KAT14: variants seen among roughly 807,000 people sequenced by gnomAD.
KAT14 encodes cysteine-rich protein 2-binding protein.
A neutral mutation model predicts 78.4 loss-of-function variants in KAT14; 66 were observed. That is an observed-to-expected ratio of 0.84 (90% CI 0.69 to 1.03). The LOEUF is 1.03. Among genes scored for constraint, KAT14 ranks in the 50% least tolerant of loss-of-function variants. KAT14 has a pLI of 0.00. For missense variants in KAT14, 870 were observed against 972.5 expected (o/e 0.89, Z 1.40); for synonymous variants, 344 against 359.4 (o/e 0.96, Z 0.48).
chr20:18,175,869 A>C (rs1002810936), intron 7 of KAT14, among the ~76,000 whole-genome samples: 3 of 151,880 alleles, frequency 2.0e-5, no homozygotes, highest in Non-Finnish European at 4.4e-5. Flanking sequence ...AAAAAATACA[A>C]AAATTAGCCA....
intron 9 of KAT14, among the ~76,000 whole-genome samples, chr20:18,183,820 T>C (rs999207511): frequency 3.3e-5 from 5 of 152,210 alleles, no homozygotes; most frequent in African/African-American, 1.2e-4. Flanking sequence ...CCAAAGTCAT[T>C]AATTAAAGGA....
At chr20:18,137,831 C>G, upstream of KAT14, 1 of 1,024,240 alleles carries the variant, frequency 9.8e-7, no homozygotes, top group South Asian at 2.3e-5. Context: ...GAGCGGCGCA[C>G]GCGACGGCTG....
chr20:18,153,666 C>A (rs1353369926), intron 4 of KAT14, among the ~76,000 whole-genome samples: 1 of 152,068 alleles, frequency 6.6e-6, no homozygotes. Flanking sequence ...TTTTAACATG[C>A]CAATGAAAGG....
Position 18,161,846 on chromosome 20 carries a change from A to G in KAT14, c.706A>G (p.Ile236Val), listed in dbSNP as rs2038435263. The part of the protein sequence containing the change: ...IKASKPTLDP[I>V]ITVEGLRKRA... ...AGCCTCAAAACCAACTTTAGATCCC[A>G]TCATTACTGTTGAGGGACTTAGAAA... Residue 236 changes from isoleucine to valine, a missense_variant, in exon 6 of 11, where the codon ATC (isoleucine) becomes GTC (valine). Ile to Val is a conservative substitution (Grantham distance 29). Coordinates refer to ENST00000688188, the MANE Select transcript of KAT14 (RefSeq NM_001392073.1). 6.2e-7 allele frequency: 1 copy of G among 1,613,830 alleles called. No individual in the cohort carries two copies. The highest frequency in any genetic ancestry group is 8.5e-7 in the Non-Finnish European group (1 of 1,179,984).
chr20:18,163,647 G>C (rs989101414), intron 7 of KAT14, among the ~76,000 whole-genome samples: 4 of 152,212 alleles, frequency 2.6e-5, no homozygotes, highest in Admixed American at 2.6e-4. Flanking sequence ...TGAATTGCCT[G>C]TTTGGAGTCT....
intron 7 of KAT14, among the ~76,000 whole-genome samples, chr20:18,167,537 G>C (rs1273888469): frequency 6.6e-6 from 1 of 152,136 alleles, no homozygotes; most frequent in Non-Finnish European, 1.5e-5. Flanking sequence ...TGTATTCGTA[G>C]CTATAAGTTT....
chr20:18,159,166 G>A lies in KAT14; in HGVS notation c.583G>A (p.Glu195Lys). Residue 195 changes from glutamate to lysine, a missense_variant, in exon 5 of 11, where the codon GAA becomes AAA. Physicochemically the swap from Glu to Lys is moderately conservative, Grantham distance 56 (BLOSUM62 1). Transcript: ENST00000688188. The stretch of plus-strand genomic sequence containing the variant: ...CATGTACTTCCGTTCAGGTGCTCAG[G>A]AATTTGGAGAGCCAGGATGGTGGAA... ...SPMYFRSGAQ[E>K]FGEPGWWKLV... 6.2e-7 allele frequency: 1 copy of A among 1,614,140 alleles called. No homozygotes were observed. The highest frequency in any genetic ancestry group is 8.5e-7 in the Non-Finnish European group (1 of 1,179,994).
Position 18,139,047 on chromosome 20 carries a change from C to A in KAT14, c.-454+996C>A, listed in dbSNP as rs117284089. Among the ~76,000 whole-genome samples, 600 of 152,256 alleles carry A rather than the reference C, an allele frequency of 3.9e-3. 11 individuals are homozygous for A. The highest frequency in any genetic ancestry group is 0.033 in the Admixed American group (505 of 15,284). On this transcript the variant is annotated intron_variant, in intron 1 of 10. Transcript: ENST00000688188. ...CTTTTCTTGATTTGCCTACCCAGAC[C>A]TTTGGACTGTGCTATGTGCTTGATA...
In KAT14 at chr20:18,145,295, G is replaced by C. The variant is rs2037785057; in HGVS notation, c.322G>C (p.Asp108His). The change falls in exon 3 of 11, where the codon GAT (aspartate) becomes CAT (histidine). Residue 108 changes from aspartate to histidine, a missense_variant. Asp to His is a moderately conservative substitution (Grantham distance 81). Coordinates refer to ENST00000688188, the MANE Select transcript of KAT14 (RefSeq NM_001392073.1). The stretch of plus-strand genomic sequence containing the variant: ...TAATTTTTTTAGGTTTACTTGTTCG[G>C]ATTGCTCAGCAGATGGCAAGGAGCA... ...GDNFFRFTCSDCSADGKEQYE... is the reference protein window; with the variant it reads ...GDNFFRFTCSHCSADGKEQYE... 1 of 1,614,044 alleles carries C rather than the reference G, an allele frequency of 6.2e-7. No individual in the cohort carries two copies. Among genetic ancestry groups the C allele is most frequent in the Non-Finnish European group, 8.5e-7 (1 of 1,180,046 alleles).
At position 18,162,569 on chromosome 20, in the gene KAT14, A is replaced by G. The variant is rs1172755693; in HGVS notation, c.1292A>G (p.Asp431Gly). The G allele has an allele frequency of 1.2e-6, 2 of 1,614,204 alleles. No homozygotes were observed. Among genetic ancestry groups the G allele is most frequent in the Non-Finnish European group, 1.7e-6 (2 of 1,180,032 alleles). The change falls in exon 7 of 11, where the codon GAT becomes GGT. Residue 431 changes from aspartate (D) to glycine (G), a missense_variant. Coordinates refer to ENST00000688188, the MANE Select transcript of KAT14 (RefSeq NM_001392073.1). Reference sequence around the variant, plus strand: ...ATGGATATTGACAGTGAAGACACAGATTCAAACACATCTTTGCAAACAAGG... The same window carrying G: ...ATGGATATTGACAGTGAAGACACAGGTTCAAACACATCTTTGCAAACAAGG... Reference protein sequence around the residue: ...DRMDIDSEDTDSNTSLQTRAR... With the variant: ...DRMDIDSEDTGSNTSLQTRAR...
intron 7 of KAT14, among the ~76,000 whole-genome samples, chr20:18,164,156 T>C (rs1302522673): frequency 1.3e-5 from 2 of 152,200 alleles, no homozygotes; most frequent in African/African-American, 4.8e-5. Context: ...TTCTTTTTTT[T>C]CCTAATTCCC....
At chr20:18,184,921 A>G (rs2039406044) in intron 10 of KAT14, 129 bp downstream of exon 10, 3 of 978,916 alleles carry the variant, frequency 3.1e-6, no homozygotes, top group Non-Finnish European at 1.4e-6. Flanking sequence ...AACCAAGTGA[A>G]GAAAGCCAGT....
Position 18,160,088 on chromosome 20 carries a change from A to G in KAT14, c.682+823A>G, listed in dbSNP as rs79257403. On this transcript the variant is annotated intron_variant, in intron 5 of 10. Coordinates refer to ENST00000688188, the MANE Select transcript of KAT14 (RefSeq NM_001392073.1). ...TAATATTTTTGTATTTTTATTACAG[A>G]CGGGGTTTTGCCATGTTGGCCAGGC... Among the ~76,000 whole-genome samples the G allele has an allele frequency of 3.3e-4, 51 of 152,268 alleles. 1 individual carries two copies. In the East Asian group the frequency reaches 9.1e-3, roughly 27 times the overall value.
intron 3 of KAT14, among the ~76,000 whole-genome samples, chr20:18,149,195 A>AT (rs1319425455): frequency 2.6e-5 from 4 of 152,190 alleles, no homozygotes; most frequent in Non-Finnish European, 1.5e-5. Flanking sequence ...AGCAATAATT[A>AT]TTTTTTAAAA....
intron 7 of KAT14, among the ~76,000 whole-genome samples, chr20:18,177,358 C>T (rs2039085651): frequency 6.6e-6 from 1 of 152,156 alleles, no homozygotes; most frequent in Admixed American, 6.5e-5. Context: ...TGTCTTAAGA[C>T]CTAGACTCAA....
chr20:18,147,965 A>T (rs2037887350), intron 3 of KAT14, among the ~76,000 whole-genome samples: 1 of 152,178 alleles, frequency 6.6e-6, no homozygotes, highest in Non-Finnish European at 1.5e-5. Context: ...GTGGATACTA[A>T]CCTGGTAGGG....
chr20:18,144,540 G>A (rs888767922), intron 2 of KAT14, among the ~76,000 whole-genome samples: 1 of 152,100 alleles, frequency 6.6e-6, no homozygotes, highest in South Asian at 2.1e-4. Context: ...CTAATCCTAA[G>A]CCTCCCCCTA....
At chr20:18,145,178 T>C in intron 2 of KAT14, 55 bp from the exon 3 acceptor site, 1 of 1,585,408 alleles carries the variant, frequency 6.3e-7, no homozygotes, top group Non-Finnish European at 8.6e-7. Flanking sequence ...ATTAAACCTT[T>C]AGGTTACCGC....
At chr20:18,172,525 C>T (rs2038884430) in intron 7 of KAT14, among the ~76,000 whole-genome samples, 1 of 152,072 alleles carries the variant, frequency 6.6e-6, no homozygotes, top group African/African-American at 2.4e-5. Context: ...CTTCAGCCTC[C>T]CAATGTGCTG....
Sources: gnomAD v4.1 joint callset for allele counts (sites outside exome capture counted in the v4.1 genomes callset) on GRCh38, gnomAD v4.1.1 for gene constraint, MANE v1.5 for transcripts, NCBI Gene and HGNC (gene_info 2026-07-23, HGNC 2026-07-21) for gene names.